The following ST8SIA6 variants were observed in gnomAD, a reference collection of about 807,000 sequenced individuals.
ST8SIA6 encodes the protein ST8 alpha-N-acetyl-neuraminide alpha-2,8-sialyltransferase 6, also known as alpha-2,8-sialyltransferase 8F.
Under a neutral mutation model 33.6 loss-of-function variants are expected in ST8SIA6, and 39 were observed. The observed-to-expected ratio is 1.16, with a 90% CI of 0.90 to 1.52. ST8SIA6 has a LOEUF of 1.52. ST8SIA6 is among the 40% of genes most tolerant of loss of function. The pLI is 0.00. For missense variants in ST8SIA6, 441 were observed against 443.8 expected (o/e 0.99, Z 0.06); for synonymous variants, 172 against 167.2 (o/e 1.03, Z -0.22).
At position 17,408,823 on chromosome 10, in the gene ST8SIA6, T is replaced by C. The variant is rs1004205468; in HGVS notation, c.201-18203A>G. On this transcript the variant is annotated intron_variant, in intron 2 of 7. Coordinates refer to ENST00000377602, the MANE Select transcript of ST8SIA6 (RefSeq NM_001004470.3). ...CAGGCTGGAGGGTGATGGCACAATG[T>C]TGGCTCACCACAACCTCTGCCTCTC... Among the ~76,000 whole-genome samples, 3 of 152,008 alleles carry C rather than the reference T, an allele frequency of 2.0e-5. No individual in the cohort carries two copies. The East Asian group carries it at 5.8e-4, about 29-fold the overall frequency.
intron 2 of ST8SIA6, among the ~76,000 whole-genome samples, chr10:17,431,266 C>T (rs1348376466): frequency 6.6e-6 from 1 of 152,096 alleles, no homozygotes; most frequent in East Asian, 1.9e-4. Context: ...GCTCCCACCC[C>T]GAGATGGAGG....
rs1339833217 is a variant in ST8SIA6 at position 17,334,566 on chromosome 10, T to TATTATA, written c.378-3015_378-3014insTATAAT. ...AAAAAAAAAAAATTATTATTATTAT[T>TATTATA]ATAATAATAAAATACAGAAACTAAG... On this transcript the variant is annotated intron_variant, in intron 4 of 7. Coordinates refer to ENST00000377602, the MANE Select transcript of ST8SIA6 (RefSeq NM_001004470.3). Among the ~76,000 whole-genome samples, 188 of 149,144 alleles carry TATTATA rather than the reference T, an allele frequency of 1.3e-3. 1 individual carries two copies. Among genetic ancestry groups the TATTATA allele is most frequent in the Non-Finnish European group, 2.0e-3 (138 of 67,378 alleles).
chr10:17,362,229 A>G (rs527364260), intron 3 of ST8SIA6, among the ~76,000 whole-genome samples: 1 of 152,356 alleles, frequency 6.6e-6, no homozygotes, highest in South Asian at 2.1e-4. Context: ...TTATTCAGAG[A>G]TGACATAATC....
intron 2 of ST8SIA6, among the ~76,000 whole-genome samples, chr10:17,433,736 A>G (rs4748375): frequency 0.043 from 6,553 of 152,244 alleles, 326 homozygotes; most frequent in African/African-American, 0.1. Flanking sequence ...TCCAAATTAC[A>G]GACTTCATCA....
At position 17,320,671 on chromosome 10, in the gene ST8SIA6, A is replaced by ATCG; in HGVS notation, c.*206_*207insCGA. The ATCG allele has an allele frequency of 2.1e-6, 1 of 485,526 alleles. No individual in the cohort carries two copies. The highest frequency in any genetic ancestry group is 3.4e-6 in the Non-Finnish European group (1 of 291,372). 30.1% of individuals were successfully genotyped at this position (485,526 alleles called of 1,614,324 possible). A position where few individuals can be genotyped will look rare whatever the true frequency, so the allele number is the denominator to read the frequency against. ...TTATAAAAATTTGTATGAGTCAGAT[A>ATCG]TGGTGTCCATGTTATAAGGAGAAAA... is the stretch of plus-strand genomic sequence containing the variant. On this transcript the variant is annotated 3_prime_UTR_variant, in exon 8 of 8. Coordinates refer to ENST00000377602, the MANE Select transcript of ST8SIA6 (RefSeq NM_001004470.3).
chr10:17,453,840 T>C (rs1317269243), intron 1 of ST8SIA6, among the ~76,000 whole-genome samples, 183 bp from the exon 2 acceptor site: 1 of 152,078 alleles, frequency 6.6e-6, no homozygotes, highest in Non-Finnish European at 1.5e-5. Context: ...AGGACCAGAA[T>C]GGGGAGCATG....
intron 4 of ST8SIA6, among the ~76,000 whole-genome samples, chr10:17,340,130 G>A (rs1848625527): frequency 6.6e-6 from 1 of 152,208 alleles, no homozygotes; most frequent in Admixed American, 6.5e-5. Flanking sequence ...GAAAGAATCA[G>A]TATGTCGATA....
At position 17,454,269 on chromosome 10, in the gene ST8SIA6, C is replaced by T; in HGVS notation, c.-14G>A. On this transcript the variant is annotated 5_prime_UTR_variant, in exon 1 of 8. Transcript: ENST00000377602. The surrounding 1 kb of genome is among the most constrained non-coding windows in gnomAD (Gnocchi z 4.1). ...CCCCGGCCGCATCCTGAGCCACAGG[C>T]GCCGCCGCCACCGCTGCTGCCGGGG... 2 of 215,688 alleles carry T rather than the reference C, an allele frequency of 9.3e-6. No homozygotes were observed. Among genetic ancestry groups the T allele is most frequent in the South Asian group, 1.6e-4 (1 of 6,320 alleles). 13.4% of individuals were successfully genotyped at this position (215,688 alleles called of 1,614,324 possible). A position where few individuals can be genotyped will look rare whatever the true frequency, so the allele number is the denominator to read the frequency against.
chr10:17,320,805 C>A lies in ST8SIA6; in HGVS notation c.*73G>T, dbSNP rs1847916413. On this transcript the variant is annotated 3_prime_UTR_variant, in exon 8 of 8. Transcript: ENST00000377602. ...TCTCAAAATACTCTTTAGCCACCTCCTTTGGTGTTTGGAGACATTGTTAAT... is the reference window on the plus strand; with the variant it reads ...TCTCAAAATACTCTTTAGCCACCTCATTTGGTGTTTGGAGACATTGTTAAT... The A allele has an allele frequency of 6.6e-7, 1 of 1,505,842 alleles. No individual in the cohort carries two copies. The highest frequency in any genetic ancestry group is 1.2e-5 in the South Asian group (1 of 80,344). 93.3% of individuals were successfully genotyped at this position (1,505,842 alleles called of 1,614,324 possible).
chr10:17,358,242 C>A (rs1020086892), intron 4 of ST8SIA6, among the ~76,000 whole-genome samples: 2 of 152,104 alleles, frequency 1.3e-5, no homozygotes, highest in Non-Finnish European at 2.9e-5. Context: ...TGGAGCAGAA[C>A]CCTCCTCACA....
intron 4 of ST8SIA6, among the ~76,000 whole-genome samples, chr10:17,341,661 G>T (rs376413158): frequency 6.6e-6 from 1 of 152,054 alleles, no homozygotes; most frequent in Admixed American, 6.6e-5. Flanking sequence ...AGCGCTTTGG[G>T]AGGCTGAGGC....
intron 4 of ST8SIA6, among the ~76,000 whole-genome samples, chr10:17,343,148 G>A (rs928271943): frequency 3.9e-5 from 6 of 152,162 alleles, no homozygotes; most frequent in African/African-American, 1.4e-4. Flanking sequence ...CCCCCAGCCT[G>A]TCCTCTTCTT....
chr10:17,322,094 CAGAGAGAGAGAGAGAG>C (rs10544183), intron 7 of ST8SIA6, among the ~76,000 whole-genome samples: 2 of 134,348 alleles, frequency 1.5e-5, no homozygotes, highest in African/African-American at 5.6e-5. Context: ...CAAAGAGAGA[CAGAGAGAGAGAGAGAG>C]AGAGAGAGAG....
chr10:17,318,371 A>G lies in ST8SIA6; in HGVS notation c.*2507T>C, dbSNP rs1440576716. 7.1e-6 allele frequency: 2 copies of G among 281,388 alleles called. No homozygotes were observed. The highest frequency in any genetic ancestry group is 9.4e-5 in the East Asian group (1 of 10,668). The allele number at this position is 281,388 out of a possible 1,614,324, so 17.4% of individuals were successfully genotyped here. A position where few individuals can be genotyped will look rare whatever the true frequency, so the allele number is the denominator to read the frequency against. ...GCTGGGACCACAGGTGCACGCCACT[A>G]TGCTCAGCTAATTTTTTTGTTTTTT... On this transcript the variant is annotated 3_prime_UTR_variant, in exon 8 of 8. Coordinates refer to ENST00000377602, the MANE Select transcript of ST8SIA6 (RefSeq NM_001004470.3).
chr10:17,334,001 G>A (rs1209647408), intron 4 of ST8SIA6, among the ~76,000 whole-genome samples: 2 of 149,026 alleles, frequency 1.3e-5, no homozygotes, highest in Non-Finnish European at 3.0e-5. Flanking sequence ...GATTACAGGC[G>A]TGAGCCACTG....
At position 17,334,247 on chromosome 10, in the gene ST8SIA6, TATAAA is replaced by T. The variant is rs551572648; in HGVS notation, c.378-2700_378-2696del. The stretch of plus-strand genomic sequence containing the variant: ...TTCATTGTAATGATTTTATAATAAT[TATAAA>T]ATACAGGCTGGGCGCGGTGGCTCAC... On this transcript the variant is annotated intron_variant, in intron 4 of 7. Coordinates refer to ENST00000377602, the MANE Select transcript of ST8SIA6 (RefSeq NM_001004470.3). Among the ~76,000 whole-genome samples the T allele has an allele frequency of 1.1e-3, 170 of 151,914 alleles. 2 individuals are homozygous for T. Among genetic ancestry groups the T allele is most frequent in the Middle Eastern group, 0.01 (3 of 294 alleles).
chr10:17,401,259 C>A (rs944820810), intron 2 of ST8SIA6, among the ~76,000 whole-genome samples: 5 of 152,212 alleles, frequency 3.3e-5, no homozygotes, highest in African/African-American at 1.2e-4. Context: ...AACTACAAAC[C>A]ACTGCTCAAC....
chr10:17,412,629 T>TA (rs1274793991), intron 2 of ST8SIA6, among the ~76,000 whole-genome samples: 3 of 152,232 alleles, frequency 2.0e-5, no homozygotes, highest in Non-Finnish European at 4.4e-5. Flanking sequence ...TTTTTAGGAC[T>TA]AAACCTGCAT....
intron 2 of ST8SIA6, among the ~76,000 whole-genome samples, chr10:17,445,910 G>A (rs186819629): frequency 4.3e-4 from 65 of 152,190 alleles, no homozygotes; most frequent in African/African-American, 1.5e-3. Flanking sequence ...GGGTGACCAG[G>A]ATCACCTAGG....
Sources: allele counts gnomAD v4.1 joint callset (sites outside exome capture counted in the v4.1 genomes callset), GRCh38; gene constraint gnomAD v4.1.1; non-coding constraint Gnocchi (gnomAD v3.1); transcripts MANE v1.5; gene names NCBI Gene and HGNC (gene_info 2026-07-23, HGNC 2026-07-21).